The following FAM133A variants were observed in gnomAD, a reference collection of about 807,000 sequenced individuals.
FAM133A encodes the protein protein FAM133A.
For missense variants in FAM133A, 159 were observed against 164.4 expected (o/e 0.97, Z 0.18); for synonymous variants, 65 against 58.6 (o/e 1.11, Z -0.50).
chrX:93,703,152 G>C (rs1646431803), intron 3 of FAM133A, among the ~76,000 whole-genome samples: 1 of 111,678 alleles, frequency 9.0e-6, no homozygotes, highest in Middle Eastern at 4.7e-3. Context: ...TGATGCCACT[G>C]CACTCCAGCC....
chrX:93,674,394 A>C (rs1924518433), intron 1 of FAM133A, 120 bp downstream of exon 1: 1 of 112,034 alleles, frequency 8.9e-6, no homozygotes, highest in South Asian at 3.7e-4. Flanking sequence ...CCTTGTAGAT[A>C]AAACAAAGAG....
chrX:93,681,777 A>G (rs1925175345), intron 2 of FAM133A, among the ~76,000 whole-genome samples: 1 of 112,236 alleles, frequency 8.9e-6, no homozygotes, highest in African/African-American at 3.2e-5. Context: ...CTTCTCTTAT[A>G]AGCAGCATTT....
chrX:93,701,406 A>G (rs977684401), intron 3 of FAM133A, among the ~76,000 whole-genome samples: 2 of 111,960 alleles, frequency 1.8e-5, no homozygotes, highest in African/African-American at 6.5e-5. Context: ...AACTAGGACA[A>G]TGGGCAGAGA....
chrX:93,699,414 A>G (rs895994503), intron 3 of FAM133A, among the ~76,000 whole-genome samples: 9 of 111,257 alleles, frequency 8.1e-5, no homozygotes, highest in African/African-American at 2.3e-4. Context: ...TTTTTCTCAT[A>G]AATACTAAAT....
Position 93,710,135 on chromosome X carries a change from A to G in FAM133A, c.716A>G (p.Lys239Arg). The G allele has an allele frequency of 8.4e-7, 1 of 1,184,457 alleles. No individual in the cohort carries two copies. The highest frequency in any genetic ancestry group is 1.9e-5 in the South Asian group (1 of 52,107). Residue 239 changes from lysine to arginine, a missense_variant, in exon 4 of 4, where the codon AAG becomes AGG. Physicochemically the swap from Lys to Arg is conservative, Grantham distance 26 (BLOSUM62 2). Coordinates refer to ENST00000683942, the MANE Select transcript of FAM133A (RefSeq NM_001171109.2). The part of the protein sequence containing the change: ...QHKKHSKKKK[K>R]KSGSSHKSR ...AAGAAACATAGTAAGAAGAAGAAAA[A>G]GAAGTCTGGATCAAGTCACAAGTCA...
chrX:93,698,628 T>C (rs1177515137), intron 3 of FAM133A, 143 bp downstream of exon 3: 1 of 111,009 alleles, frequency 9.0e-6, no homozygotes, highest in Non-Finnish European at 1.9e-5. Context: ...TCCCATGGAG[T>C]GTTTGAAGTG....
At chrX:93,701,561 G>A (rs1450976043) in intron 3 of FAM133A, among the ~76,000 whole-genome samples, 1 of 111,647 alleles carries the variant, frequency 9.0e-6, no homozygotes, top group African/African-American at 3.3e-5. Flanking sequence ...CAGGGCTCTA[G>A]GACATTTTGG....
In FAM133A at chrX:93,710,051, G is replaced by C; in HGVS notation, c.632G>C (p.Arg211Thr). The stretch of plus-strand genomic sequence containing the variant: ...GATGTGCAAGCAAAAAAGAAGAGAA[G>C]GTGTGAAGAGCGAGAACAAGCAAAG... ...EEDVQAKKKRRCEEREQAKEK... is the reference protein window; with the variant it reads ...EEDVQAKKKRTCEEREQAKEK... The change falls in exon 4 of 4, where the codon AGG (arginine) becomes ACG (threonine). Residue 211 changes from arginine to threonine, a missense_variant. Transcript: ENST00000683942. 5 of 1,201,521 alleles carry C rather than the reference G, an allele frequency of 4.2e-6. No individual in the cohort carries two copies. The highest frequency in any genetic ancestry group is 5.6e-6 in the Non-Finnish European group (5 of 889,556).
At chrX:93,686,983 C>A (rs1483391664) in intron 2 of FAM133A, among the ~76,000 whole-genome samples, 1 of 112,328 alleles carries the variant, frequency 8.9e-6, no homozygotes, top group Non-Finnish European at 1.9e-5. Flanking sequence ...ATCTGCTTTT[C>A]TCACTCAGCT....
At chrX:93,699,023 G>A (rs1206411848) in intron 3 of FAM133A, among the ~76,000 whole-genome samples, 1 of 110,971 alleles carries the variant, frequency 9.0e-6, no homozygotes, top group Non-Finnish European at 1.9e-5. Flanking sequence ...TGCACTTAGG[G>A]AGGGAATACT....
chrX:93,709,782 G>A lies in FAM133A; in HGVS notation c.363G>A (p.Glu121=), dbSNP rs1473347145. The A allele has an allele frequency of 4.2e-6, 5 of 1,194,013 alleles. No individual in the cohort carries two copies. The highest frequency in any genetic ancestry group is 5.6e-6 in the Non-Finnish European group (5 of 886,279). ...SDSSSSSSDS[E]DEEKKQGKRR... The stretch of plus-strand genomic sequence containing the variant: ...CTTCAAGCAGTTCTTCAGATTCTGA[G>A]GATGAGGAAAAGAAACAAGGAAAAA... The change falls in exon 4 of 4, where the codon GAG becomes GAA. Residue 121 remains glutamate (E), a synonymous_variant. Coordinates refer to ENST00000683942, the MANE Select transcript of FAM133A (RefSeq NM_001171109.2).
At chrX:93,687,435 A>C (rs904837030) in intron 2 of FAM133A, among the ~76,000 whole-genome samples, 1 of 111,448 alleles carries the variant, frequency 9.0e-6, no homozygotes, top group Non-Finnish European at 1.9e-5. Context: ...AATCACCACT[A>C]AAAAATTTAT....
intron 3 of FAM133A, among the ~76,000 whole-genome samples, chrX:93,700,987 G>T (rs1040357064): frequency 9.0e-6 from 1 of 110,955 alleles, no homozygotes; most frequent in Non-Finnish European, 1.9e-5. Flanking sequence ...GAACTCCCCT[G>T]GTATTTTGCT....
At chrX:93,675,852 A>G (rs1289883395) in intron 2 of FAM133A, among the ~76,000 whole-genome samples, 2 of 111,428 alleles carry the variant, frequency 1.8e-5, no homozygotes, top group South Asian at 7.5e-4. Flanking sequence ...TAATCAAAAC[A>G]TATGTTATAG....
At chrX:93,678,954 C>T (rs778217502) in intron 2 of FAM133A, among the ~76,000 whole-genome samples, 2 of 112,017 alleles carry the variant, frequency 1.8e-5, no homozygotes, top group East Asian at 5.6e-4. Context: ...CTTGACCTTT[C>T]ACTTCTGCTC....
intron 2 of FAM133A, among the ~76,000 whole-genome samples, chrX:93,687,559 T>C (rs1424395806): frequency 2.7e-5 from 3 of 111,950 alleles, no homozygotes; most frequent in Non-Finnish European, 5.6e-5. Flanking sequence ...TATTTACGGG[T>C]TACAACATGG....
At chrX:93,698,669 C>T (rs1243164715) in intron 3 of FAM133A, among the ~76,000 whole-genome samples, 184 bp downstream of exon 3, 1 of 111,744 alleles carries the variant, frequency 8.9e-6, no homozygotes, top group Non-Finnish European at 1.9e-5. Context: ...TCAAGAGAGA[C>T]TGAGAGGAAA....
chrX:93,697,218 A>T (rs1333989730), intron 2 of FAM133A, among the ~76,000 whole-genome samples: 1 of 106,654 alleles, frequency 9.4e-6, no homozygotes, highest in Non-Finnish European at 1.9e-5. Context: ...TTAATATATT[A>T]AAAATAAAAA....
intron 2 of FAM133A, among the ~76,000 whole-genome samples, chrX:93,678,610 T>A (rs1924888698): frequency 8.9e-6 from 1 of 111,914 alleles, no homozygotes; most frequent in Non-Finnish European, 1.9e-5. Flanking sequence ...ACTTTTAGGT[T>A]TTGCATTTAG....
Sources: gnomAD v4.1 joint callset for allele counts (sites outside exome capture counted in the v4.1 genomes callset) on GRCh38, gnomAD v4.1.1 for gene constraint, MANE v1.5 for transcripts, NCBI Gene and HGNC (gene_info 2026-07-23, HGNC 2026-07-21) for gene names.